CDH8: variants seen among roughly 807,000 people sequenced by gnomAD.
CDH8 encodes cadherin 8.
A neutral mutation model predicts 68.1 loss-of-function variants in CDH8; 17 were observed. The ratio of observed to expected loss-of-function variants is 0.25; its 90% CI spans 0.17 to 0.37. The LOEUF (loss-of-function observed/expected upper bound fraction) is 0.37. Ranked by LOEUF, CDH8 falls within the 10% of genes least tolerant of loss-of-function variation. CDH8 has a pLI of 1.00. For missense variants in CDH8, 763 were observed against 999.3 expected, an observed-to-expected ratio of 0.76 and a Z score of 3.19; for synonymous variants, 372 against 365.1, an observed-to-expected ratio of 1.02 and a Z score of -0.21.
chr16:61,846,951 G>T (rs1051853343), intron 4 of CDH8, among the ~76,000 whole-genome samples: 10 of 152,068 alleles, frequency 6.6e-5, no homozygotes. Context: ...GCATCTTTAT[G>T]TTCCTGGTCC....
intron 2 of CDH8, among the ~76,000 whole-genome samples, chr16:62,019,175 G>T (rs534883295): frequency 6.6e-6 from 1 of 152,302 alleles, no homozygotes; most frequent in African/African-American, 2.4e-5. Flanking sequence ...TTGCCTTAGG[G>T]CTGATTAAAG....
chr16:61,796,211 G>C (rs1450241813), intron 7 of CDH8, among the ~76,000 whole-genome samples: 1 of 151,814 alleles, frequency 6.6e-6, no homozygotes, highest in Non-Finnish European at 1.5e-5. Context: ...AAATTAATTT[G>C]GATCCTACTT....
intron 8 of CDH8, among the ~76,000 whole-genome samples, chr16:61,743,871 T>C (rs1959946008): frequency 6.6e-6 from 1 of 152,194 alleles, no homozygotes. Context: ...ATTTTTTAAA[T>C]GTGTTAATTT....
At chr16:61,856,726 A>G (rs574001164) in intron 4 of CDH8, among the ~76,000 whole-genome samples, 1 of 152,296 alleles carries the variant, frequency 6.6e-6, no homozygotes, top group Non-Finnish European at 1.5e-5. Context: ...TCACAGTATT[A>G]TGTGGTACGT....
chr16:62,016,813 T>C (rs1320605227), intron 2 of CDH8, among the ~76,000 whole-genome samples: 1 of 152,212 alleles, frequency 6.6e-6, no homozygotes, highest in Non-Finnish European at 1.5e-5. Flanking sequence ...AACACAAAAG[T>C]CTGAAGATAG....
At chr16:61,768,411 TCTCTCTCTCTCTCTCTCC>T (rs1346854875) in intron 8 of CDH8, among the ~76,000 whole-genome samples, 29 of 139,220 alleles carry the variant, frequency 2.1e-4, no homozygotes, top group Non-Finnish European at 2.8e-4. Context: ...TCTCTCTCTC[TCTCTCTCTCTCTCTCTCC>T]CTCTCCCTCT....
chr16:62,034,835 C>T (rs1902414216), intron 1 of CDH8, among the ~76,000 whole-genome samples: 1 of 152,172 alleles, frequency 6.6e-6, no homozygotes, highest in East Asian at 1.9e-4. Context: ...GCCCGATTTT[C>T]CATTACGGAC....
intron 10 of CDH8, among the ~76,000 whole-genome samples, chr16:61,661,145 A>C (rs1211672746): frequency 5.3e-5 from 8 of 152,048 alleles, no homozygotes; most frequent in African/African-American, 1.9e-4. Context: ...ATATCTAGAA[A>C]TTAAAAAGTA....
At chr16:61,788,640 T>C (rs548399369) in intron 8 of CDH8, among the ~76,000 whole-genome samples, 1 of 151,966 alleles carries the variant, frequency 6.6e-6, no homozygotes, top group Admixed American at 6.6e-5. Flanking sequence ...ATATAGCTAT[T>C]GTTTAGAGAC....
chr16:61,725,505 T>G (rs939953023), intron 9 of CDH8: 16 of 151,062 alleles, frequency 1.1e-4, no homozygotes, highest in African/African-American at 3.9e-4. Context: ...TGAAAAAGTC[T>G]AGCTTACCAG....
At chr16:61,677,488 G>A (rs1963936432) in intron 10 of CDH8, among the ~76,000 whole-genome samples, 1 of 151,664 alleles carries the variant, frequency 6.6e-6, no homozygotes, top group Non-Finnish European at 1.5e-5. Flanking sequence ...GGCCCTACTA[G>A]GACTGGGGTT....
intron 7 of CDH8, among the ~76,000 whole-genome samples, chr16:61,814,572 G>A (rs1962031360): frequency 6.6e-6 from 1 of 152,158 alleles, no homozygotes; most frequent in Admixed American, 6.5e-5. Context: ...GGCAGATGCT[G>A]GGATAACTGC....
At chr16:62,006,766 A>T (rs1965982388) in intron 2 of CDH8, among the ~76,000 whole-genome samples, 1 of 152,244 alleles carries the variant, frequency 6.6e-6, no homozygotes, top group South Asian at 2.1e-4. Flanking sequence ...GAAAACTAGC[A>T]TTAGCCTTTT....
chr16:61,814,937 G>C (rs1962038783), intron 7 of CDH8, among the ~76,000 whole-genome samples: 1 of 152,162 alleles, frequency 6.6e-6, no homozygotes, highest in South Asian at 2.1e-4. Flanking sequence ...AATATGGTTT[G>C]TGATTCTTAA....
intron 2 of CDH8, among the ~76,000 whole-genome samples, chr16:61,903,410 G>A (rs1224038036): frequency 1.3e-5 from 2 of 152,144 alleles, no homozygotes; most frequent in East Asian, 3.9e-4. Flanking sequence ...TGCAAGCTCC[G>A]CCTGCCGGGT....
intron 10 of CDH8, among the ~76,000 whole-genome samples, chr16:61,683,600 T>C (rs1274240032): frequency 6.6e-6 from 1 of 151,988 alleles, no homozygotes; most frequent in Non-Finnish European, 1.5e-5. Flanking sequence ...TTAAAAGTAT[T>C]AAAGGACATT....
At chr16:61,968,328 C>T (rs1965287345) in intron 2 of CDH8, among the ~76,000 whole-genome samples, 1 of 152,094 alleles carries the variant, frequency 6.6e-6, no homozygotes, top group Admixed American at 6.5e-5. Flanking sequence ...AGTGATGTGT[C>T]AAGTTTTTCC....
intron 2 of CDH8, among the ~76,000 whole-genome samples, chr16:61,990,087 T>C (rs1466769078): frequency 1.3e-5 from 2 of 152,148 alleles, no homozygotes; most frequent in Non-Finnish European, 2.9e-5. Context: ...AACTGATGTG[T>C]ACTATTTTTT....
intron 2 of CDH8, chr16:61,918,709 C>G (rs1415276449): frequency 6.4e-6 from 1 of 157,372 alleles, no homozygotes; most frequent in Non-Finnish European, 1.4e-5. Flanking sequence ...AGTCTGAGAT[C>G]AAACTGCAAG....
Sources: gnomAD v4.1 joint callset for allele counts (sites outside exome capture counted in the v4.1 genomes callset) on GRCh38, gnomAD v4.1.1 for gene constraint, MANE v1.5 for transcripts, NCBI Gene and HGNC (gene_info 2026-07-23, HGNC 2026-07-21) for gene names.